The following HSPA12A variants were observed in gnomAD, a reference collection of about 807,000 sequenced individuals.
HSPA12A encodes the protein heat shock 70 kDa protein 12A.
Under a neutral mutation model 69.2 loss-of-function variants are expected in HSPA12A, and 28 were observed. That is an observed-to-expected ratio of 0.40 (90% CI 0.30 to 0.55). The LOEUF (loss-of-function observed/expected upper bound fraction) is 0.55, where lower values mean the gene tolerates loss of function less well. HSPA12A is among the 20% of genes least tolerant of loss of function. HSPA12A has a pLI of 0.38. For synonymous variants in HSPA12A, 345 were observed against 370.5 expected, an observed-to-expected ratio of 0.93 and a Z score of 0.79; for missense variants, 686 against 900.7, an observed-to-expected ratio of 0.76 and a Z score of 3.05.
intron 2 of HSPA12A, among the ~76,000 whole-genome samples, chr10:116,827,796 C>T (rs1564833224): frequency 6.6e-6 from 1 of 152,204 alleles, no homozygotes; most frequent in Non-Finnish European, 1.5e-5. Flanking sequence ...GACTTAGTCC[C>T]TCAGGTAAAC....
intron 10 of HSPA12A, among the ~76,000 whole-genome samples, chr10:116,677,277 G>A (rs143079435): frequency 1.0e-3 from 155 of 152,316 alleles, no homozygotes; most frequent in Admixed American, 1.9e-3. Flanking sequence ...CCCACAGGGC[G>A]TGCCCCTCCT....
chr10:116,692,137 G>C (rs1849753639), intron 6 of HSPA12A, among the ~76,000 whole-genome samples: 1 of 152,218 alleles, frequency 6.6e-6, no homozygotes, highest in Non-Finnish European at 1.5e-5. Context: ...CCCAGCTCTT[G>C]TTGTGGGACT....
rs538075584 is a variant in HSPA12A at position 116,796,665 on chromosome 10, C to A, written c.91+38270G>T. ...CTGAAAGGGAAACCCCCAGCTGTAG[C>A]CGCTGCAGCATCCTAGCTGAGCCCC... On this transcript the variant is annotated intron_variant, in intron 2 of 12. Coordinates refer to the HSPA12A transcript ENST00000635765. Among the ~76,000 whole-genome samples the A allele has an allele frequency of 2.0e-5, 3 of 152,300 alleles. No homozygotes were observed. The South Asian group carries it at 6.2e-4, about 32-fold the overall frequency.
intron 7 of HSPA12A, among the ~76,000 whole-genome samples, chr10:116,682,696 G>T (rs1217978572): frequency 2.0e-5 from 3 of 152,046 alleles, no homozygotes; most frequent in African/African-American, 7.2e-5. Flanking sequence ...GGGGCTTGCA[G>T]TTCCCACAAT....
At chr10:116,791,808 A>T (rs1439904130) in intron 2 of HSPA12A, among the ~76,000 whole-genome samples, 1 of 151,908 alleles carries the variant, frequency 6.6e-6, no homozygotes, top group Non-Finnish European at 1.5e-5. Flanking sequence ...TTCCACGGGC[A>T]TGTGGTTTCC....
upstream of HSPA12A, among the ~76,000 whole-genome samples, chr10:116,742,907 C>T (rs115708160): frequency 0.015 from 2,280 of 152,104 alleles, 59 homozygotes; most frequent in African/African-American, 0.053. Flanking sequence ...CTTTGGAAGT[C>T]ACCGAATGGC....
Position 116,827,385 on chromosome 10 carries a change from G to A in HSPA12A, c.91+7550C>T, listed in dbSNP as rs999759764. ...TGTCCAGAGAGCTCGCCCTTGCTGC[G>A]AGCCACTCCCAGCCACTGCCTCCAC... On this transcript the variant is annotated intron_variant, in intron 2 of 12. Coordinates refer to the HSPA12A transcript ENST00000635765. 3.9e-5 allele frequency: 6 copies of A among 152,362 alleles called. No individual in the cohort carries two copies. The East Asian group carries it at 5.8e-4, about 15-fold the overall frequency. 9.4% of individuals were successfully genotyped at this position (152,362 alleles called of 1,614,324 possible). A position where few individuals can be genotyped will look rare whatever the true frequency, so the allele number is the denominator to read the frequency against.
chr10:116,784,988 C>T (rs1302577025), intron 2 of HSPA12A, among the ~76,000 whole-genome samples: 4 of 152,154 alleles, frequency 2.6e-5, no homozygotes, highest in African/African-American at 9.7e-5. Context: ...GGTTCTAGGC[C>T]CTGCTGTGTT....
chr10:116,741,695 C>A (rs1554887183), intron 1 of HSPA12A, among the ~76,000 whole-genome samples: 1 of 152,170 alleles, frequency 6.6e-6, no homozygotes, highest in East Asian at 1.9e-4. Flanking sequence ...CCCTTCGGAG[C>A]CCTAATCACG....
At chr10:116,700,792 T>G in intron 4 of HSPA12A, 151 bp downstream of exon 4, 3 of 700,498 alleles carry the variant, frequency 4.3e-6, no homozygotes, top group Non-Finnish European at 7.4e-6. Flanking sequence ...CCAGGTTGTG[T>G]CTAAAATCAA....
intron 3 of HSPA12A, among the ~76,000 whole-genome samples, chr10:116,702,351 G>C (rs780017728): frequency 3.3e-5 from 5 of 152,116 alleles, no homozygotes; most frequent in Admixed American, 6.5e-5. Context: ...AGTGCAGGAG[G>C]GAAAATGAGC....
chr10:116,822,335 T>A (rs1164708346), intron 2 of HSPA12A, among the ~76,000 whole-genome samples: 2 of 152,220 alleles, frequency 1.3e-5, no homozygotes, highest in Non-Finnish European at 2.9e-5. Flanking sequence ...AATTCTCTCA[T>A]GATAAGAGAA....
At chr10:116,773,224 C>T (rs543425835) in intron 2 of HSPA12A, among the ~76,000 whole-genome samples, 2 of 152,244 alleles carry the variant, frequency 1.3e-5, no homozygotes, top group Non-Finnish European at 2.9e-5. Context: ...TTTCCCCAGC[C>T]CCTCCAGAGG....
chr10:116,784,862 G>A (rs538508058), intron 2 of HSPA12A, among the ~76,000 whole-genome samples: 36 of 152,254 alleles, frequency 2.4e-4, no homozygotes, highest in South Asian at 8.3e-4. Context: ...CGCTAACCTC[G>A]GAGCTGTCAG....
chr10:116,786,510 G>A (rs1844580809), intron 2 of HSPA12A, among the ~76,000 whole-genome samples: 1 of 152,132 alleles, frequency 6.6e-6, no homozygotes, highest in South Asian at 2.1e-4. Context: ...AATGTCTAAA[G>A]CATTGTTCTC....
In HSPA12A at chr10:116,721,865, G is replaced by T. The variant is rs1004209887; in HGVS notation, c.41-14580C>A. Among the ~76,000 whole-genome samples, 83 of 152,348 alleles carry T rather than the reference G, an allele frequency of 5.4e-4. 1 individual carries two copies. Among genetic ancestry groups the T allele is most frequent in the Non-Finnish European group, 1.0e-4 (7 of 68,042 alleles). On this transcript the variant is annotated intron_variant, in intron 1 of 11. Transcript: ENST00000369209. ...ATCATGGCTGCTCACCCACGTTGGT[G>T]TGTACATGTTATGAAAGAATGAGTG... is the stretch of plus-strand genomic sequence containing the variant.
intron 9 of HSPA12A, 55 bp downstream of exon 9, chr10:116,681,097 C>T (rs1244567283): frequency 1.6e-6 from 2 of 1,217,606 alleles, no homozygotes; most frequent in Non-Finnish European, 2.4e-6. Flanking sequence ...CAAGTGAAAA[C>T]AGAACTGCCT....
chr10:116,700,657 G>A (rs1455925172), intron 4 of HSPA12A, among the ~76,000 whole-genome samples: 5 of 152,122 alleles, frequency 3.3e-5, no homozygotes, highest in Admixed American at 6.5e-5. Context: ...CACTTCCCTG[G>A]TATAACCAGG....
chr10:116,707,869 A>C (rs1850307221), intron 1 of HSPA12A, among the ~76,000 whole-genome samples: 1 of 152,112 alleles, frequency 6.6e-6, no homozygotes, highest in Non-Finnish European at 1.5e-5. Flanking sequence ...ATCTCTCTTC[A>C]GTGATACTGA....
Sources: allele counts gnomAD v4.1 joint callset (sites outside exome capture counted in the v4.1 genomes callset), GRCh38; gene constraint gnomAD v4.1.1; transcripts MANE v1.5; gene names NCBI Gene and HGNC (gene_info 2026-07-23, HGNC 2026-07-21).